Variants in PIP5K1B observed in about 807,000 individuals in gnomAD.
PIP5K1B encodes the protein phosphatidylinositol-4-phosphate 5-kinase type 1 beta.
A neutral mutation model predicts 67.0 loss-of-function variants in PIP5K1B; 42 were observed. The ratio of observed to expected loss-of-function variants is 0.63; its 90% CI spans 0.49 to 0.81. PIP5K1B has a LOEUF of 0.81. Among genes scored for constraint, PIP5K1B ranks in the 30% least tolerant of loss-of-function variants. The probability of loss-of-function intolerance (pLI) is 0.00; values close to 1 mark genes in which losing one functional copy is unlikely to be tolerated. For synonymous variants in PIP5K1B, 214 were observed against 231.4 expected (o/e 0.92, Z 0.68); for missense variants, 459 against 646.3 (o/e 0.71, Z 3.14).
At chr9:68,823,596 T>C (rs1322997056) in intron 4 of PIP5K1B, among the ~76,000 whole-genome samples, 2 of 152,232 alleles carry the variant, frequency 1.3e-5, no homozygotes, top group Admixed American at 1.3e-4. Context: ...GACTCCCAGC[T>C]ACCAAGCTAA....
At chr9:68,909,272 A>C (rs1276841007) in intron 8 of PIP5K1B, among the ~76,000 whole-genome samples, 1 of 151,574 alleles carries the variant, frequency 6.6e-6, no homozygotes, top group Non-Finnish European at 1.5e-5. Flanking sequence ...ACTCATGGCC[A>C]ATCTAGGTTT....
intron 6 of PIP5K1B, among the ~76,000 whole-genome samples, chr9:68,886,824 C>A (rs943987825): frequency 1.3e-5 from 2 of 152,128 alleles, no homozygotes; most frequent in South Asian, 2.1e-4. Context: ...GCTTTTCGGC[C>A]CCCTTAGAGA....
chr9:68,888,431 G>T (rs1304108685), intron 6 of PIP5K1B, among the ~76,000 whole-genome samples: 1 of 152,244 alleles, frequency 6.6e-6, no homozygotes, highest in East Asian at 1.9e-4. Flanking sequence ...CATATAAATT[G>T]TGTGTGGTAT....
chr9:68,948,205 A>C (rs1326926390), intron 14 of PIP5K1B, among the ~76,000 whole-genome samples: 1 of 152,246 alleles, frequency 6.6e-6, no homozygotes, highest in African/African-American at 2.4e-5. Context: ...TTAGAGAAGC[A>C]AAAACCTTCC....
intron 14 of PIP5K1B, among the ~76,000 whole-genome samples, chr9:68,972,771 CAT>C (rs1241707454): frequency 3.9e-5 from 6 of 152,168 alleles, no homozygotes; most frequent in Admixed American, 2.0e-4. Context: ...AAGTCTATAA[CAT>C]GTGTTTCTTT....
At chr9:68,900,235 A>G (rs1437048419) in intron 8 of PIP5K1B, among the ~76,000 whole-genome samples, 2 of 151,924 alleles carry the variant, frequency 1.3e-5, no homozygotes, top group Non-Finnish European at 2.9e-5. Context: ...ATTAGCACTG[A>G]CCCCTGTCTT....
At chr9:68,841,599 T>C (rs929877691) in intron 4 of PIP5K1B, among the ~76,000 whole-genome samples, 3 of 152,216 alleles carry the variant, frequency 2.0e-5, no homozygotes, top group African/African-American at 7.2e-5. Flanking sequence ...GATTTTTTAA[T>C]AGTTCTTTGA....
intron 2 of PIP5K1B, chr9:68,781,288 A>G: frequency 2.4e-6 from 1 of 419,408 alleles, no homozygotes; most frequent in Admixed American, 4.2e-5. Context: ...TAATATGTCT[A>G]AATACATATG....
At chr9:68,872,506 T>C (rs1179443496) in intron 5 of PIP5K1B, among the ~76,000 whole-genome samples, 3 of 152,232 alleles carry the variant, frequency 2.0e-5, no homozygotes, top group Non-Finnish European at 2.9e-5. Flanking sequence ...AGTTTATGGC[T>C]TTTAACCTCT....
chr9:68,755,504 A>G (rs1292475798), intron 2 of PIP5K1B, among the ~76,000 whole-genome samples: 1 of 152,236 alleles, frequency 6.6e-6, no homozygotes, highest in African/African-American at 2.4e-5. Context: ...GCTCTGTATA[A>G]GTAACACAAG....
At chr9:68,827,725 G>A (rs763358634) in intron 4 of PIP5K1B, among the ~76,000 whole-genome samples, 4 of 152,162 alleles carry the variant, frequency 2.6e-5, no homozygotes, top group Non-Finnish European at 4.4e-5. Context: ...CAATCAGTGC[G>A]ACTACCAGAA....
At chr9:68,855,339 T>C (rs976322369) in intron 4 of PIP5K1B, among the ~76,000 whole-genome samples, 1 of 152,192 alleles carries the variant, frequency 6.6e-6, no homozygotes, top group African/African-American at 2.4e-5. Flanking sequence ...CCCCTCTCTC[T>C]CTTGGTTTTC....
intron 6 of PIP5K1B, among the ~76,000 whole-genome samples, chr9:68,887,014 G>A (rs1824511910): frequency 6.6e-6 from 1 of 152,118 alleles, no homozygotes; most frequent in Non-Finnish European, 1.5e-5. Flanking sequence ...TGCCTGAAGT[G>A]CCCGTTCCCC....
intron 2 of PIP5K1B, chr9:68,783,851 C>A: frequency 6.0e-6 from 1 of 167,202 alleles, no homozygotes. Context: ...TTTAAAATTG[C>A]GGACCTGATC....
chr9:68,923,343 A>G lies in PIP5K1B; in HGVS notation c.1158A>G (p.Arg386=), dbSNP rs775078746. Residue 386 remains arginine, a synonymous_variant, in exon 12 of 16, where the codon AGA becomes AGG. Transcript: ENST00000265382. ...ATAGACCAAGCTTTTATGCAGACAG[A>G]TTTCTTAAGTTCATGAATTCCAGAG... ...SVHRPSFYAD[R]FLKFMNSRVF... is the part of the protein sequence containing the mutation. The G allele has an allele frequency of 6.2e-7, 1 of 1,603,688 alleles. No individual in the cohort carries two copies. The highest frequency in any genetic ancestry group is 1.7e-5 in the Admixed American group (1 of 59,130).
intron 1 of PIP5K1B, among the ~76,000 whole-genome samples, chr9:68,710,836 A>C (rs994694553): frequency 6.6e-6 from 1 of 152,232 alleles, no homozygotes; most frequent in Non-Finnish European, 1.5e-5. Context: ...GGTAATTTAC[A>C]TGATGGATGC....
At chr9:68,862,886 A>AT (rs1394337118) in intron 4 of PIP5K1B, among the ~76,000 whole-genome samples, 5 of 151,320 alleles carry the variant, frequency 3.3e-5, no homozygotes, top group African/African-American at 4.8e-5. Context: ...AAGAGAAGAC[A>AT]TTTTTTTCCA....
intron 2 of PIP5K1B, among the ~76,000 whole-genome samples, chr9:68,805,614 AG>A (rs1307235260): frequency 2.0e-5 from 3 of 152,176 alleles, no homozygotes; most frequent in Non-Finnish European, 4.4e-5. Flanking sequence ...CAGAGTCAAT[AG>A]TGAAGCTGGG....
At chr9:68,945,690 G>A (rs1010057169) in intron 14 of PIP5K1B, among the ~76,000 whole-genome samples, 3 of 152,124 alleles carry the variant, frequency 2.0e-5, no homozygotes, top group Middle Eastern at 3.4e-3. Flanking sequence ...TTATATTTAC[G>A]GTCTCCATCT....
Sources: gnomAD v4.1 joint callset for allele counts (sites outside exome capture counted in the v4.1 genomes callset) on GRCh38, gnomAD v4.1.1 for gene constraint, MANE v1.5 for transcripts, NCBI Gene and HGNC (gene_info 2026-07-23, HGNC 2026-07-21) for gene names.